DOCK4: variants seen among roughly 807,000 people sequenced by gnomAD.
DOCK4 encodes the protein dedicator of cytokinesis protein 4.
A neutral mutation model predicts 268.1 loss-of-function variants in DOCK4; 97 were observed. That is an observed-to-expected ratio of 0.36 (90% CI 0.31 to 0.43). The LOEUF is 0.43. DOCK4 is among the 20% of genes least tolerant of loss of function. DOCK4 has a pLI of 1.00. For missense variants in DOCK4, 2,145 were observed against 2,455.7 expected (o/e 0.87, Z 2.67); for synonymous variants, 954 against 887.2 (o/e 1.08, Z -1.34).
At chr7:111,735,457 T>A (rs1795411324) in intron 50 of DOCK4, among the ~76,000 whole-genome samples, 1 of 152,222 alleles carries the variant, frequency 6.6e-6, no homozygotes, top group Non-Finnish European at 1.5e-5. Flanking sequence ...TGTGTTTAGA[T>A]GCTGGATAAC....
intron 12 of DOCK4, among the ~76,000 whole-genome samples, chr7:111,927,638 A>G (rs761894247): frequency 1.3e-5 from 2 of 152,192 alleles, no homozygotes; most frequent in Admixed American, 6.5e-5. Flanking sequence ...TTTTTTAAAC[A>G]GGCTTTGTTT....
rs770002024 is a variant in DOCK4, at chr7:111,940,126, T to C, written c.961A>G (p.Ile321Val). Residue 321 changes from isoleucine to valine, a missense_variant, in exon 11 of 53, where the codon ATT becomes GTT. Ile to Val is a conservative substitution (Grantham distance 29). This residue lies in a region of DOCK4 where 1,598 missense variants were observed against 1,986.7 expected (regional missense o/e 0.80). Coordinates refer to ENST00000428084, the MANE Select transcript of DOCK4 (RefSeq NM_001363540.2). ...GTTTCTTACATGTATACTTTCAGAA[T>C]GAGGTCATCCTTTGTCTCTCCTGTT... ...LLTGETKDDLILKVYMCNTES... is the reference protein window; with the variant it reads ...LLTGETKDDLVLKVYMCNTES... 1.9e-6 allele frequency: 3 copies of C among 1,613,904 alleles called. No individual in the cohort carries two copies. Among genetic ancestry groups the C allele is most frequent in the Non-Finnish European group, 2.5e-6 (3 of 1,179,900 alleles).
chr7:111,976,519 T>C (rs1169712659), intron 8 of DOCK4: 2 of 151,592 alleles, frequency 1.3e-5, no homozygotes, highest in Non-Finnish European at 2.9e-5. Flanking sequence ...AAAGTTTTAA[T>C]AGGAGTTGAG....
chr7:112,127,714 T>C (rs985852138), intron 1 of DOCK4, among the ~76,000 whole-genome samples: 3 of 152,028 alleles, frequency 2.0e-5, no homozygotes, highest in African/African-American at 4.8e-5. Context: ...ACATCACCAA[T>C]GAGTATGTGT....
intron 1 of DOCK4, among the ~76,000 whole-genome samples, chr7:112,031,455 T>G (rs1803264486): frequency 6.6e-6 from 1 of 152,194 alleles, no homozygotes; most frequent in Non-Finnish European, 1.5e-5. Flanking sequence ...CTCTTCTCTG[T>G]CCTTCCTCAT....
intron 1 of DOCK4, among the ~76,000 whole-genome samples, chr7:112,144,540 C>A (rs2560641): frequency 6.6e-6 from 1 of 152,028 alleles, no homozygotes; most frequent in Admixed American, 6.5e-5. Context: ...CACTAGGCAT[C>A]CAGCTCACAG....
intron 1 of DOCK4, among the ~76,000 whole-genome samples, chr7:112,188,514 C>T (rs1001792833): frequency 1.3e-5 from 2 of 152,282 alleles, no homozygotes; most frequent in Middle Eastern, 3.4e-3. Context: ...ATGATGATAT[C>T]AAACAAATGT....
rs1481166750 is a variant in DOCK4 at position 111,899,320 on chromosome 7, A to G, written c.1480+1054T>C. 2.0e-5 allele frequency among the ~76,000 whole-genome samples: 3 copies of G among 152,228 alleles called. No homozygotes were observed. In the East Asian group the frequency reaches 5.8e-4, roughly 29 times the overall value. On this transcript the variant is annotated intron_variant, in intron 15 of 52. Coordinates refer to ENST00000428084, the MANE Select transcript of DOCK4 (RefSeq NM_001363540.2). ...GCCCCTATTCCTTCCAGACTGGAAGAGAGCCTGCTGCTTCTTCAAAAATGT... is the reference window on the plus strand; with the variant it reads ...GCCCCTATTCCTTCCAGACTGGAAGGGAGCCTGCTGCTTCTTCAAAAATGT...
At chr7:112,068,713 A>AT (rs1807304337) in intron 1 of DOCK4, among the ~76,000 whole-genome samples, 1 of 152,164 alleles carries the variant, frequency 6.6e-6, no homozygotes, top group African/African-American at 2.4e-5. Context: ...AGAGACAGAC[A>AT]TGGTGTCTCA....
In DOCK4 at chr7:111,977,150, T is replaced by C. The variant is rs1213580961; in HGVS notation, c.683A>G (p.Lys228Arg). The change falls in exon 8 of 53, where the codon AAA becomes AGA. Residue 228 changes from lysine to arginine, a missense_variant. Lys to Arg is a conservative substitution (Grantham distance 26). Transcript: ENST00000428084. ...CAGGTACCTGATTGGCCGGTTCTCT[T>C]TACTGTCAAAGAGTGAGAAGATGAC... ...LEVIFSLFDS[K>R]ENRPISERFF... 1.2e-6 allele frequency: 2 copies of C among 1,613,282 alleles called. No individual in the cohort carries two copies. The highest frequency in any genetic ancestry group is 2.2e-5 in the South Asian group (2 of 90,794).
At chr7:112,166,275 A>G (rs1817603581) in intron 1 of DOCK4, among the ~76,000 whole-genome samples, 1 of 152,210 alleles carries the variant, frequency 6.6e-6, no homozygotes, top group Non-Finnish European at 1.5e-5. Context: ...TACCAAAAGA[A>G]AAAACATGCT....
Position 111,924,697 on chromosome 7 carries a change from T to C in DOCK4, c.1067-8793A>G, listed in dbSNP as rs560465367. Among the ~76,000 whole-genome samples the C allele has an allele frequency of 9.7e-4, 147 of 152,288 alleles. No individual in the cohort carries two copies. The Middle Eastern group carries it at 0.01, about 11-fold the overall frequency. ...CCTTTGGGAGGCAAAGGTGGGAGGA[T>C]TGCTTAAGGCCAGTTCAAGACCAAC... is the stretch of plus-strand genomic sequence containing the variant. On this transcript the variant is annotated intron_variant, in intron 12 of 52. Coordinates refer to ENST00000428084, the MANE Select transcript of DOCK4 (RefSeq NM_001363540.2).
Position 111,989,143 on chromosome 7 carries a change from G to T in DOCK4, c.336C>A (p.Phe112Leu). ...CATTCATGATGTGCCACAGCCGGTG[G>T]AAGAGATCGCCTTCATTACGCTAAG... ...QLYVRNEGDLFHRLWHIMNEI... is the reference protein window; with the variant it reads ...QLYVRNEGDLLHRLWHIMNEI... The change falls in exon 6 of 53, where the codon TTC becomes TTA. Residue 112 changes from phenylalanine to leucine, a missense_variant. Physicochemically the swap from Phe to Leu is conservative, Grantham distance 22. Transcript: ENST00000428084. 6.2e-7 allele frequency: 1 copy of T among 1,614,020 alleles called. No individual in the cohort carries two copies.
chr7:111,931,891 A>C (rs1017486416), intron 12 of DOCK4, among the ~76,000 whole-genome samples: 2 of 152,278 alleles, frequency 1.3e-5, no homozygotes, highest in African/African-American at 4.8e-5. Flanking sequence ...GAGGATTCAA[A>C]CCTAGGACAT....
intron 20 of DOCK4, 104 bp from the exon 21 acceptor site, chr7:111,869,759 C>T (rs1806262832): frequency 1.1e-6 from 1 of 899,742 alleles, no homozygotes; most frequent in South Asian, 1.4e-5. Flanking sequence ...TTTCTTTTCC[C>T]ATCAGTTCTC....
intron 1 of DOCK4, among the ~76,000 whole-genome samples, chr7:112,066,803 C>T (rs1475285315): frequency 2.1e-5 from 3 of 142,612 alleles, no homozygotes; most frequent in East Asian, 2.1e-4. Flanking sequence ...CTGCAAGTGG[C>T]GAGTTCAAAG....
At chr7:111,924,295 T>C (rs1793411162) in intron 12 of DOCK4, among the ~76,000 whole-genome samples, 1 of 152,176 alleles carries the variant, frequency 6.6e-6, no homozygotes, top group Non-Finnish European at 1.5e-5. Context: ...CCATGCATCA[T>C]AGGTGTGGAA....
intron 28 of DOCK4, among the ~76,000 whole-genome samples, chr7:111,810,416 C>A (rs911882671): frequency 4.6e-5 from 7 of 151,392 alleles, no homozygotes; most frequent in Admixed American, 4.6e-4. Context: ...TGCGCCACTG[C>A]ACTCCAGACT....
intron 50 of DOCK4, 123 bp downstream of exon 50, chr7:111,736,794 T>C (rs1169885565): frequency 3.5e-6 from 3 of 848,148 alleles, no homozygotes; most frequent in African/African-American, 1.7e-5. Context: ...TTAAAGAGCA[T>C]ACTAGTCCTG....
Sources: allele counts gnomAD v4.1 joint callset (sites outside exome capture counted in the v4.1 genomes callset), GRCh38; gene constraint gnomAD v4.1.1; regional missense constraint gnomAD v4.1.1; transcripts MANE v1.5; gene names NCBI Gene and HGNC (gene_info 2026-07-23, HGNC 2026-07-21).